Variants in TAF4B observed in about 807,000 individuals in gnomAD.
TAF4B encodes transcription initiation factor TFIID subunit 4B.
Under a neutral mutation model 86.4 loss-of-function variants are expected in TAF4B, and 38 were observed. The observed-to-expected ratio is 0.44, with a 90% CI of 0.34 to 0.58. The LOEUF (loss-of-function observed/expected upper bound fraction) is 0.58, where lower values mean the gene tolerates loss of function less well. TAF4B is among the 20% of genes least tolerant of loss of function. TAF4B has a pLI of 0.02. For synonymous variants in TAF4B, 388 were observed against 391.2 expected, an observed-to-expected ratio of 0.99 and a Z score of 0.10; for missense variants, 988 against 1,027.6, an observed-to-expected ratio of 0.96 and a Z score of 0.53.
intron 1 of TAF4B, among the ~76,000 whole-genome samples, chr18:26,253,191 A>G (rs1206704423): frequency 6.6e-6 from 1 of 152,228 alleles, no homozygotes; most frequent in Admixed American, 6.5e-5. Flanking sequence ...GACTTTCACC[A>G]AAAGTATGAT....
intron 3 of TAF4B, among the ~76,000 whole-genome samples, chr18:26,273,079 C>G (rs1377781666): frequency 1.3e-5 from 2 of 151,854 alleles, no homozygotes; most frequent in East Asian, 1.9e-4. Flanking sequence ...TGTTACAGAC[C>G]TTTCTCATAA....
chr18:26,381,055 C>T lies in TAF4B; in HGVS notation c.2422-8790C>T, dbSNP rs548555947. ...TTTGAGACAGAGTCTTGCCCTGTCG[C>T]CCAGGCTGGAGTGCAGTGGCACAAT... is the stretch of plus-strand genomic sequence containing the variant. On this transcript the variant is annotated intron_variant, in intron 14 of 14. Coordinates refer to ENST00000269142, the MANE Select transcript of TAF4B (RefSeq NM_005640.3). Among the ~76,000 whole-genome samples, 8 of 152,230 alleles carry T rather than the reference C, an allele frequency of 5.3e-5. No individual in the cohort carries two copies. In the South Asian group the frequency reaches 8.3e-4, roughly 16 times the overall value.
intron 2 of TAF4B, chr18:26,266,717 C>G (rs977884932): frequency 6.6e-6 from 1 of 152,090 alleles, no homozygotes; most frequent in Non-Finnish European, 1.5e-5. Context: ...AAAAAATTAG[C>G]CTGACGTGGT....
chr18:26,381,892 A>C (rs765058731), intron 14 of TAF4B, among the ~76,000 whole-genome samples: 2 of 152,134 alleles, frequency 1.3e-5, no homozygotes, highest in African/African-American at 2.4e-5. Context: ...TATATCTTTT[A>C]AAGAATTTAT....
chr18:26,240,675 G>T (rs2055823444), intron 1 of TAF4B, among the ~76,000 whole-genome samples: 1 of 152,162 alleles, frequency 6.6e-6, no homozygotes, highest in Non-Finnish European at 1.5e-5. Flanking sequence ...TTTTCAAAGG[G>T]AATGCTTCCA....
intron 7 of TAF4B, among the ~76,000 whole-genome samples, chr18:26,289,876 A>G (rs1055906579): frequency 3.3e-5 from 5 of 152,200 alleles, no homozygotes; most frequent in Admixed American, 3.3e-4. Flanking sequence ...ACATTGTTCC[A>G]GGTGTTAGAG....
intron 13 of TAF4B, among the ~76,000 whole-genome samples, chr18:26,341,757 C>A (rs1007421307): frequency 2.0e-5 from 3 of 152,044 alleles, no homozygotes; most frequent in African/African-American, 7.2e-5. Flanking sequence ...TAATAATTGT[C>A]TTTGAGGGCT....
intron 14 of TAF4B, 31 bp downstream of exon 14, chr18:26,357,825 T>A: frequency 6.6e-7 from 1 of 1,525,714 alleles, no homozygotes. Flanking sequence ...ATTTTATTTT[T>A]AATGTCAAGA....
At chr18:26,235,265 T>C (rs1270058229) in intron 1 of TAF4B, among the ~76,000 whole-genome samples, 1 of 152,124 alleles carries the variant, frequency 6.6e-6, no homozygotes, top group Non-Finnish European at 1.5e-5. Context: ...GCCATCTTGC[T>C]GTAGCCAGAG....
At chr18:26,274,563 C>A in intron 3 of TAF4B, 100 bp from the exon 4 acceptor site, 1 of 1,330,400 alleles carries the variant, frequency 7.5e-7, no homozygotes, top group Non-Finnish European at 1.1e-6. Flanking sequence ...AACATAAAAC[C>A]ACAGATGTCA....
At chr18:26,269,115 C>T (rs2056280690) in intron 3 of TAF4B, among the ~76,000 whole-genome samples, 1 of 152,196 alleles carries the variant, frequency 6.6e-6, no homozygotes, top group African/African-American at 2.4e-5. Context: ...AGCCACCGCA[C>T]CCGACTCTTA....
intron 13 of TAF4B, among the ~76,000 whole-genome samples, chr18:26,346,837 G>GTGTATATATATA (rs1567913968): frequency 1.5e-3 from 10 of 6,738 alleles, no homozygotes; most frequent in Non-Finnish European, 3.0e-3. Flanking sequence ...ATATATATAT[G>GTGTATATATATA]TGTGTGTGTA....
At chr18:26,280,679 G>A (rs1014292970) in intron 5 of TAF4B, among the ~76,000 whole-genome samples, 4 of 152,158 alleles carry the variant, frequency 2.6e-5, no homozygotes, top group East Asian at 1.9e-4. Context: ...AAAGAGAAGC[G>A]AACACTTATA....
chr18:26,381,756 A>AATAC (rs1179156206), intron 14 of TAF4B, among the ~76,000 whole-genome samples: 1 of 150,994 alleles, frequency 6.6e-6, no homozygotes, highest in African/African-American at 2.5e-5. Context: ...TAAATAAATA[A>AATAC]ATAAATAAAT....
intron 11 of TAF4B, among the ~76,000 whole-genome samples, chr18:26,324,501 T>A (rs1021447815): frequency 6.6e-6 from 1 of 152,218 alleles, no homozygotes. Context: ...TAAAGTAATA[T>A]TTATTGAATG....
At chr18:26,293,264 G>A (rs965789617) in intron 8 of TAF4B, among the ~76,000 whole-genome samples, 162 bp from the exon 9 acceptor site, 5 of 152,018 alleles carry the variant, frequency 3.3e-5, no homozygotes, top group Admixed American at 1.3e-4. Context: ...TCTTATTCAG[G>A]GAATAAATTC....
At chr18:26,384,542 T>A (rs551360678) in intron 14 of TAF4B, among the ~76,000 whole-genome samples, 1 of 152,142 alleles carries the variant, frequency 6.6e-6, no homozygotes, top group Non-Finnish European at 1.5e-5. Context: ...AGGGACAAGG[T>A]AAGTATGGCA....
intron 6 of TAF4B, among the ~76,000 whole-genome samples, chr18:26,285,420 T>C (rs1288680540): frequency 6.6e-6 from 1 of 151,822 alleles, no homozygotes; most frequent in African/African-American, 2.4e-5. Flanking sequence ...ACTCCTGGCC[T>C]CAAGTGATTG....
intron 1 of TAF4B, among the ~76,000 whole-genome samples, chr18:26,231,693 C>T (rs911016512): frequency 5.9e-5 from 9 of 152,026 alleles, no homozygotes; most frequent in African/African-American, 2.2e-4. Flanking sequence ...GAGTTGGTTC[C>T]TTCTGGTGGG....
Sources: allele counts gnomAD v4.1 joint callset (sites outside exome capture counted in the v4.1 genomes callset), GRCh38; gene constraint gnomAD v4.1.1; transcripts MANE v1.5; gene names NCBI Gene and HGNC (gene_info 2026-07-23, HGNC 2026-07-21).